Variants in ADAMTSL1 observed in about 807,000 individuals in gnomAD.
ADAMTSL1 encodes the protein ADAMTS like 1.
A neutral mutation model predicts 201.8 loss-of-function variants in ADAMTSL1; 126 were observed. That is an observed-to-expected ratio of 0.62 (90% CI 0.54 to 0.72). The LOEUF (loss-of-function observed/expected upper bound fraction) is 0.72, where lower values mean the gene tolerates loss of function less well. Ranked by LOEUF, ADAMTSL1 falls within the 30% of genes least tolerant of loss-of-function variation. ADAMTSL1 has a pLI of 0.00. For missense variants in ADAMTSL1, 2,679 were observed against 2,277.8 expected (o/e 1.18, Z -3.59); for synonymous variants, 1,121 against 903.4 (o/e 1.24, Z -4.32).
At chr9:18,230,740 ATAAT>A (rs1046781066) in intron 2 of ADAMTSL1, among the ~76,000 whole-genome samples, 2 of 152,196 alleles carry the variant, frequency 1.3e-5, no homozygotes, top group East Asian at 1.9e-4. Flanking sequence ...AAACATTATT[ATAAT>A]TAATTAATTA....
At chr9:18,167,456 C>T (rs1003265095) in intron 2 of ADAMTSL1, among the ~76,000 whole-genome samples, 4 of 151,872 alleles carry the variant, frequency 2.6e-5, no homozygotes, top group Non-Finnish European at 4.4e-5. Flanking sequence ...TTCAGAAATG[C>T]CTGCCTTTAA....
At chr9:18,330,637 A>C (rs1296426866) in intron 2 of ADAMTSL1, among the ~76,000 whole-genome samples, 1 of 152,154 alleles carries the variant, frequency 6.6e-6, no homozygotes, top group Non-Finnish European at 1.5e-5. Flanking sequence ...TTTTATAGAC[A>C]TGTGGGATAT....
intron 9 of ADAMTSL1, among the ~76,000 whole-genome samples, chr9:18,671,103 C>T (rs1044144057): frequency 3.3e-5 from 5 of 152,090 alleles, no homozygotes; most frequent in Non-Finnish European, 7.3e-5. Context: ...ACGCAACTAT[C>T]CATTTTTTTT....
At chr9:18,390,411 C>T (rs895262943) in intron 2 of ADAMTSL1, among the ~76,000 whole-genome samples, 1 of 152,194 alleles carries the variant, frequency 6.6e-6, no homozygotes, top group South Asian at 2.1e-4. Context: ...TCAACAAAGG[C>T]AGTCTGCAAT....
chr9:18,850,016 TAA>T (rs1826381469), intron 23 of ADAMTSL1, among the ~76,000 whole-genome samples: 1 of 152,092 alleles, frequency 6.6e-6, no homozygotes, highest in South Asian at 2.1e-4. Context: ...TCCATAAATA[TAA>T]AAAGACACCA....
intron 2 of ADAMTSL1, among the ~76,000 whole-genome samples, chr9:18,217,402 A>T (rs190947134): frequency 2.5e-4 from 38 of 152,166 alleles, no homozygotes; most frequent in African/African-American, 8.7e-4. Context: ...GTGCCAAAGA[A>T]GTAGCATTAC....
At chr9:18,694,552 C>T (rs560672351) in intron 13 of ADAMTSL1, among the ~76,000 whole-genome samples, 4 of 152,276 alleles carry the variant, frequency 2.6e-5, no homozygotes, top group African/African-American at 9.6e-5. Flanking sequence ...GTCAGAAACC[C>T]AGCAGGGCGG....
At chr9:17,939,063 T>TTTTTTGCCACTTATAC (rs1827127009) in intron 1 of ADAMTSL1, among the ~76,000 whole-genome samples, 1 of 152,090 alleles carries the variant, frequency 6.6e-6, no homozygotes, top group Non-Finnish European at 1.5e-5. Flanking sequence ...TATCCATTGG[T>TTTTTTGCCACTTATAC]TTTTTGCCAC....
At chr9:18,651,933 A>G (rs1999489) in intron 7 of ADAMTSL1, among the ~76,000 whole-genome samples, 26,882 of 151,316 alleles carry the variant, frequency 0.18, 2,698 homozygotes, top group Middle Eastern at 0.24. Flanking sequence ...TATTTCCTTC[A>G]TTTAGCAGAT....
At chr9:18,270,443 T>C (rs1469136803) in intron 2 of ADAMTSL1, among the ~76,000 whole-genome samples, 1 of 152,166 alleles carries the variant, frequency 6.6e-6, no homozygotes, top group Non-Finnish European at 1.5e-5. Context: ...CAAATTATCT[T>C]TGTATCCTTA....
At chr9:18,016,764 C>A (rs1229114122) in intron 1 of ADAMTSL1, among the ~76,000 whole-genome samples, 3 of 152,122 alleles carry the variant, frequency 2.0e-5, no homozygotes, top group East Asian at 1.9e-4. Flanking sequence ...AATTTAACTT[C>A]AAATTGGTGG....
rs1211052998 is a variant in ADAMTSL1 at position 18,648,832 on chromosome 9, A to T, written c.835-8807A>T. The stretch of plus-strand genomic sequence containing the variant: ...GGCTGCCCTTAACATTTTTTCCTTC[A>T]TTTCAACTTTGGTGAATCTGACAAT... On this transcript the variant is annotated intron_variant, in intron 7 of 28. Coordinates refer to ENST00000380548, the MANE Select transcript of ADAMTSL1 (RefSeq NM_001040272.6). 2.7e-5 allele frequency among the ~76,000 whole-genome samples: 4 copies of T among 146,010 alleles called. No homozygotes were observed. The East Asian group carries it at 8.3e-4, about 30-fold the overall frequency.
intron 1 of ADAMTSL1, among the ~76,000 whole-genome samples, chr9:18,008,221 C>T (rs954396746): frequency 7.2e-5 from 11 of 151,912 alleles, no homozygotes; most frequent in African/African-American, 2.7e-4. Context: ...AGATGTTTAA[C>T]CAGTCTGTGA....
At chr9:18,108,922 G>A (rs1188738082) in intron 1 of ADAMTSL1, among the ~76,000 whole-genome samples, 2 of 152,104 alleles carry the variant, frequency 1.3e-5, no homozygotes, top group Admixed American at 1.3e-4. Flanking sequence ...ACAAGGTAGG[G>A]AGGGATATAT....
chr9:18,045,884 CA>C (rs551018479), intron 1 of ADAMTSL1, among the ~76,000 whole-genome samples: 1 of 151,414 alleles, frequency 6.6e-6, no homozygotes, highest in Non-Finnish European at 1.5e-5. Flanking sequence ...AATTTTGGAG[CA>C]AAAAAAATTT....
chr9:18,173,865 A>C (rs1430269122), intron 2 of ADAMTSL1, among the ~76,000 whole-genome samples: 1 of 152,172 alleles, frequency 6.6e-6, no homozygotes, highest in Non-Finnish European at 1.5e-5. Context: ...CTTTGTCAAT[A>C]ATGGTGAAAT....
intron 23 of ADAMTSL1, among the ~76,000 whole-genome samples, chr9:18,843,745 T>G (rs1481234882): frequency 6.6e-6 from 1 of 150,916 alleles, no homozygotes; most frequent in Non-Finnish European, 1.5e-5. Context: ...TTTTTATTCT[T>G]TTTTCTCTAA....
At chr9:18,531,332 T>C (rs1234052303) in intron 2 of ADAMTSL1, among the ~76,000 whole-genome samples, 1 of 152,190 alleles carries the variant, frequency 6.6e-6, no homozygotes, top group Non-Finnish European at 1.5e-5. Context: ...TAATCATCGG[T>C]ATCAGTAAGG....
intron 2 of ADAMTSL1, among the ~76,000 whole-genome samples, chr9:18,451,747 AC>A (rs1820414639): frequency 6.6e-6 from 1 of 152,256 alleles, no homozygotes; most frequent in Non-Finnish European, 1.5e-5. Flanking sequence ...ATAACAGAAT[AC>A]TACAGGCTAC....
Sources: gnomAD v4.1 joint callset for allele counts (sites outside exome capture counted in the v4.1 genomes callset) on GRCh38, gnomAD v4.1.1 for gene constraint, MANE v1.5 for transcripts, NCBI Gene and HGNC (gene_info 2026-07-23, HGNC 2026-07-21) for gene names.